USP48: variants seen among roughly 807,000 people sequenced by gnomAD.
USP48 encodes ubiquitin specific peptidase 48.
USP48 carries 43 observed loss-of-function variants against 150.7 expected under a neutral mutation model. The ratio of observed to expected loss-of-function variants is 0.29; its 90% CI spans 0.22 to 0.37. The LOEUF (loss-of-function observed/expected upper bound fraction) is 0.37. Ranked by LOEUF, USP48 falls within the 10% of genes least tolerant of loss-of-function variation. USP48 has a pLI of 1.00. For missense variants in USP48, 813 were observed against 1,249.6 expected, an observed-to-expected ratio of 0.65 and a Z score of 5.27; for synonymous variants, 396 against 425.9, an observed-to-expected ratio of 0.93 and a Z score of 0.86.
At chr1:21,744,814 T>G (rs2097790667) in intron 8 of USP48, among the ~76,000 whole-genome samples, 2 of 150,554 alleles carry the variant, frequency 1.3e-5, no homozygotes, top group African/African-American at 4.9e-5. Flanking sequence ...GCTAAGCTTT[T>G]AAGTCCCCAA....
At chr1:21,721,817 G>T in intron 12 of USP48, 53 bp from the exon 13 acceptor site, 1 of 1,331,780 alleles carries the variant, frequency 7.5e-7, no homozygotes, top group Non-Finnish European at 1.0e-6. Context: ...CAGACTTCCT[G>T]TTAGGAAAAT....
chr1:21,772,622 CA>C (rs755930280), intron 1 of USP48, among the ~76,000 whole-genome samples: 111 of 111,844 alleles, frequency 9.9e-4, no homozygotes, highest in African/African-American at 9.5e-4. Context: ...GGCTCCATCT[CA>C]AAAAAAAAAA....
chr1:21,773,032 G>A (rs1488762908), intron 1 of USP48, among the ~76,000 whole-genome samples: 2 of 151,610 alleles, frequency 1.3e-5, no homozygotes, highest in Non-Finnish European at 2.9e-5. Flanking sequence ...GCTGAGGCAG[G>A]CGGATCACAT....
chr1:21,774,209 AT>A, intron 1 of USP48, among the ~76,000 whole-genome samples: 2 of 149,132 alleles, frequency 1.3e-5, no homozygotes, highest in Admixed American at 1.3e-4. Context: ...AATAATAATA[AT>A]AATAATAATA....
intron 25 of USP48, chr1:21,686,391 G>A (rs923984311): frequency 1.4e-4 from 22 of 152,142 alleles, no homozygotes; most frequent in African/African-American, 4.6e-4. Flanking sequence ...TTTTTACCAC[G>A]AAGGGATGTT....
At chr1:21,708,902 AGAAAGAAAAG>A (rs377428684) in intron 15 of USP48, among the ~76,000 whole-genome samples, 45,655 of 109,534 alleles carry the variant, frequency 0.42, 11,479 homozygotes, top group Admixed American at 0.53. Flanking sequence ...AAAAAAAAAA[AGAAAGAAAAG>A]AAAAGAAAAG....
chr1:21,693,777 A>G (rs1396163727), intron 23 of USP48, among the ~76,000 whole-genome samples: 1 of 152,256 alleles, frequency 6.6e-6, no homozygotes, highest in East Asian at 1.9e-4. Flanking sequence ...ATAACAGAGT[A>G]AAGATATTAT....
intron 6 of USP48, among the ~76,000 whole-genome samples, chr1:21,750,398 C>G (rs539820660): frequency 6.6e-6 from 1 of 152,258 alleles, no homozygotes; most frequent in South Asian, 2.1e-4. Context: ...TACTCCCCAG[C>G]ACATTGCCCA....
intron 1 of USP48, among the ~76,000 whole-genome samples, chr1:21,762,932 AC>A (rs1270884043): frequency 6.6e-6 from 1 of 152,092 alleles, no homozygotes; most frequent in Non-Finnish European, 1.5e-5. Context: ...CATGTGTCAA[AC>A]ACAGACATCA....
intron 15 of USP48, among the ~76,000 whole-genome samples, chr1:21,709,866 T>C (rs1432192666): frequency 6.6e-6 from 1 of 152,192 alleles, no homozygotes. Context: ...TAGTTGGTAA[T>C]AAAAATATAT....
intron 15 of USP48, among the ~76,000 whole-genome samples, chr1:21,711,051 G>A (rs1026867141): frequency 9.9e-5 from 15 of 151,920 alleles, no homozygotes; most frequent in Non-Finnish European, 2.1e-4. Flanking sequence ...CTCTTGAAGT[G>A]CTGAGGTTAT....
At chr1:21,777,998 C>T (rs963591588) in intron 1 of USP48, among the ~76,000 whole-genome samples, 3 of 145,316 alleles carry the variant, frequency 2.1e-5, no homozygotes, top group Admixed American at 6.9e-5. Flanking sequence ...AAAAAATTAG[C>T]TAGGCGTGGC....
At chr1:21,765,823 G>GA (rs1183120796) in intron 1 of USP48, among the ~76,000 whole-genome samples, 1 of 137,346 alleles carries the variant, frequency 7.3e-6, no homozygotes, top group Non-Finnish European at 1.5e-5. Context: ...AGAATAGTTT[G>GA]AAACTACGAA....
intron 1 of USP48, among the ~76,000 whole-genome samples, chr1:21,761,934 T>C (rs2097850961): frequency 6.6e-6 from 1 of 152,176 alleles, no homozygotes; most frequent in African/African-American, 2.4e-5. Context: ...TGCTTATAAC[T>C]CATCTCTAAT....
chr1:21,780,361 GAA>G (rs1408036744), intron 1 of USP48, among the ~76,000 whole-genome samples: 1 of 152,122 alleles, frequency 6.6e-6, no homozygotes, highest in African/African-American at 2.4e-5. Context: ...TCCAGAGACA[GAA>G]AGTAGATTAG....
In USP48 at chr1:21,755,788, T is replaced by C. The variant is rs889523512; in HGVS notation, c.412+758A>G. Among the ~76,000 whole-genome samples the C allele has an allele frequency of 3.3e-5, 5 of 152,050 alleles. No individual in the cohort carries two copies. The South Asian group carries it at 6.2e-4, about 19-fold the overall frequency. ...GGTTCATGCCTGTAATCCAGCACTT[T>C]TGGAGACCGAGACAGGAGGACTGCT... is the stretch of plus-strand genomic sequence containing the variant. On this transcript the variant is annotated intron_variant, in intron 3 of 26. Coordinates refer to ENST00000308271, the MANE Select transcript of USP48 (RefSeq NM_032236.8).
chr1:21,744,677 T>C (rs1466232196), intron 8 of USP48, among the ~76,000 whole-genome samples: 1 of 138,822 alleles, frequency 7.2e-6, no homozygotes, highest in Non-Finnish European at 1.5e-5. Flanking sequence ...CTCGGAAAGC[T>C]GAGGCAGGAG....
At chr1:21,733,085 G>A (rs944789143) in intron 9 of USP48, among the ~76,000 whole-genome samples, 6 of 152,134 alleles carry the variant, frequency 3.9e-5, no homozygotes, top group Admixed American at 3.9e-4. Flanking sequence ...CCAGGAACAT[G>A]CACAGGTAAG....
At chr1:21,774,818 C>T (rs1230772740) in intron 1 of USP48, among the ~76,000 whole-genome samples, 2 of 151,528 alleles carry the variant, frequency 1.3e-5, no homozygotes, top group African/African-American at 4.9e-5. Context: ...ATGGTGAAAC[C>T]CCGTCTCCAC....
Sources: allele counts gnomAD v4.1 joint callset (sites outside exome capture counted in the v4.1 genomes callset), GRCh38; gene constraint gnomAD v4.1.1; transcripts MANE v1.5; gene names NCBI Gene and HGNC (gene_info 2026-07-23, HGNC 2026-07-21).